SCFD2: variants seen among roughly 807,000 people sequenced by gnomAD.
SCFD2 encodes sec1 family domain containing 2, also known as sec1 family domain-containing protein 2.
A neutral mutation model predicts 58.9 loss-of-function variants in SCFD2; 54 were observed. The observed-to-expected ratio is 0.92, with a 90% confidence interval of 0.74 to 1.15. The LOEUF is 1.15. Among genes scored for constraint, SCFD2 ranks in the 50% most tolerant of loss-of-function variants. The pLI is 0.00. For synonymous variants in SCFD2, 321 were observed against 335.9 expected, an observed-to-expected ratio of 0.96 and a Z score of 0.49; for missense variants, 805 against 836.6, an observed-to-expected ratio of 0.96 and a Z score of 0.47.
chr4:53,261,675 G>A (rs1202750051), intron 4 of SCFD2, among the ~76,000 whole-genome samples: 2 of 152,148 alleles, frequency 1.3e-5, no homozygotes, highest in Admixed American at 1.3e-4. Flanking sequence ...TCCATGTGCT[G>A]ATGAATAGAA....
chr4:53,141,584 A>T (rs1158117241), intron 5 of SCFD2, among the ~76,000 whole-genome samples: 2 of 152,186 alleles, frequency 1.3e-5, no homozygotes, highest in Non-Finnish European at 2.9e-5. Flanking sequence ...TTTTATATAC[A>T]TGTACAATGC....
intron 4 of SCFD2, among the ~76,000 whole-genome samples, chr4:53,260,806 C>T (rs1327070064): frequency 6.6e-6 from 1 of 152,056 alleles, no homozygotes. Flanking sequence ...AGGATTGATA[C>T]CAATTCTTTG....
intron 5 of SCFD2, among the ~76,000 whole-genome samples, chr4:53,121,819 T>C (rs1468254913): frequency 6.6e-6 from 1 of 152,196 alleles, no homozygotes; most frequent in Non-Finnish European, 1.5e-5. Flanking sequence ...ACATAACTAA[T>C]TGGTTATGAC....
intron 5 of SCFD2, among the ~76,000 whole-genome samples, chr4:53,052,107 T>C (rs1723203823): frequency 8.5e-5 from 13 of 152,184 alleles, no homozygotes; most frequent in Admixed American, 8.5e-4. Context: ...AAGCTTTCCA[T>C]TGCTTTTACT....
chr4:53,317,118 A>C (rs1214194524), intron 2 of SCFD2, among the ~76,000 whole-genome samples: 1 of 152,058 alleles, frequency 6.6e-6, no homozygotes, highest in African/African-American at 2.4e-5. Flanking sequence ...AAAAAAAAAA[A>C]AAAAATTCTG....
At chr4:53,072,619 C>T (rs1723851577) in intron 5 of SCFD2, among the ~76,000 whole-genome samples, 1 of 151,940 alleles carries the variant, frequency 6.6e-6, no homozygotes, top group Non-Finnish European at 1.5e-5. Context: ...AAACAGCACA[C>T]CTAGTCCTAA....
At chr4:53,220,522 A>T (rs1729017288) in intron 4 of SCFD2, among the ~76,000 whole-genome samples, 2 of 152,220 alleles carry the variant, frequency 1.3e-5, no homozygotes, top group South Asian at 4.1e-4. Context: ...TGTGTCATTT[A>T]ACAATTTATC....
At chr4:53,208,679 T>C (rs1340575118) in intron 4 of SCFD2, among the ~76,000 whole-genome samples, 1 of 152,204 alleles carries the variant, frequency 6.6e-6, no homozygotes, top group Non-Finnish European at 1.5e-5. Context: ...ACACCTCTCA[T>C]AATTCCAAAG....
intron 3 of SCFD2, among the ~76,000 whole-genome samples, chr4:53,294,211 A>T (rs1449475812): frequency 6.6e-6 from 1 of 152,198 alleles, no homozygotes. Context: ...TCCTTGAGGA[A>T]TCACCACACT....
At chr4:53,256,021 A>AC (rs1397444824) in intron 4 of SCFD2, among the ~76,000 whole-genome samples, 3 of 118,928 alleles carry the variant, frequency 2.5e-5, no homozygotes, top group Non-Finnish European at 3.5e-5. Flanking sequence ...CGGGGGTCTG[A>AC]CCCCCCACCT....
chr4:53,198,990 C>T (rs187000816), intron 4 of SCFD2, among the ~76,000 whole-genome samples: 67 of 152,168 alleles, frequency 4.4e-4, no homozygotes, highest in African/African-American at 1.4e-3. Context: ...TATGCATTTT[C>T]CTGAAACATC....
intron 3 of SCFD2, among the ~76,000 whole-genome samples, chr4:53,292,756 G>A (rs78520437): frequency 6.6e-6 from 1 of 152,288 alleles, no homozygotes; most frequent in African/African-American, 2.4e-5. Context: ...GCACGTGTAT[G>A]TTCATTGCAG....
At chr4:53,354,372 T>G (rs377411021) in intron 1 of SCFD2, among the ~76,000 whole-genome samples, 2,720 of 152,236 alleles carry the variant, frequency 0.018, 84 homozygotes, top group African/African-American at 0.062. Flanking sequence ...ACTCCAAGTG[T>G]GGGGCGCGCC....
intron 4 of SCFD2, among the ~76,000 whole-genome samples, chr4:53,233,768 G>T (rs1218125932): frequency 6.6e-6 from 1 of 152,132 alleles, no homozygotes; most frequent in African/African-American, 2.4e-5. Flanking sequence ...TGTGATAAGG[G>T]AGAAGAACTA....
At chr4:53,289,558 A>G (rs1577934458) in intron 3 of SCFD2, among the ~76,000 whole-genome samples, 1 of 152,278 alleles carries the variant, frequency 6.6e-6, no homozygotes, top group Non-Finnish European at 1.5e-5. Flanking sequence ...ATAAGAGAAG[A>G]GAGGAAAAAA....
At chr4:53,255,638 C>T (rs1730584587) in intron 4 of SCFD2, among the ~76,000 whole-genome samples, 1 of 152,208 alleles carries the variant, frequency 6.6e-6, no homozygotes, top group South Asian at 2.1e-4. Context: ...GGCAACCATC[C>T]GATTTCTCAA....
chr4:52,972,497 G>A (rs1181018673), intron 5 of SCFD2, among the ~76,000 whole-genome samples: 1 of 152,100 alleles, frequency 6.6e-6, no homozygotes, highest in Non-Finnish European at 1.5e-5. Context: ...CCCAATACAG[G>A]AGCACCCAGA....
At chr4:53,281,539 C>T (rs554509449) in intron 3 of SCFD2, among the ~76,000 whole-genome samples, 399 of 152,216 alleles carry the variant, frequency 2.6e-3, no homozygotes, top group Non-Finnish European at 4.5e-3. Flanking sequence ...CTTGAGTATG[C>T]CAGATGGCTT....
chr4:53,176,768 G>A (rs1010520224), intron 4 of SCFD2, among the ~76,000 whole-genome samples: 5 of 152,074 alleles, frequency 3.3e-5, no homozygotes, highest in African/African-American at 1.2e-4. Context: ...TGCCCACATG[G>A]TGAAATCCCA....
Sources: allele counts gnomAD v4.1 joint callset (sites outside exome capture counted in the v4.1 genomes callset), GRCh38; gene constraint gnomAD v4.1.1; transcripts MANE v1.5; gene names NCBI Gene and HGNC (gene_info 2026-07-23, HGNC 2026-07-21).